Variants in LTBP1 observed in about 807,000 individuals in gnomAD.
LTBP1 encodes the protein latent transforming growth factor beta binding protein 1.
A neutral mutation model predicts 207.6 loss-of-function variants in LTBP1; 129 were observed. That is an observed-to-expected ratio of 0.62 (90% CI 0.54 to 0.72). The LOEUF (loss-of-function observed/expected upper bound fraction) is 0.72, where lower values mean the gene tolerates loss of function less well. Ranked by LOEUF, LTBP1 falls within the 30% of genes least tolerant of loss-of-function variation. The pLI is 0.00. For missense variants in LTBP1, 2,281 were observed against 2,217.2 expected, an observed-to-expected ratio of 1.03 and a Z score of -0.58; for synonymous variants, 963 against 833.7, an observed-to-expected ratio of 1.16 and a Z score of -2.67.
chr2:33,336,784 G>A (rs990991950), intron 24 of LTBP1, among the ~76,000 whole-genome samples: 6 of 152,242 alleles, frequency 3.9e-5, no homozygotes, highest in African/African-American at 1.4e-4. Flanking sequence ...AAGAAACTAA[G>A]AAGAAGCACT....
At chr2:33,027,989 T>A (rs2075509578) in intron 3 of LTBP1, among the ~76,000 whole-genome samples, 1 of 152,248 alleles carries the variant, frequency 6.6e-6, no homozygotes, top group African/African-American at 2.4e-5. Flanking sequence ...CAGACCTATT[T>A]TGTTGTTTGA....
At chr2:33,171,396 G>C (rs1448694554) in intron 5 of LTBP1, among the ~76,000 whole-genome samples, 1 of 147,868 alleles carries the variant, frequency 6.8e-6, no homozygotes, top group African/African-American at 2.5e-5. Context: ...TCAACTGGAA[G>C]AAAGGGTATC....
chr2:33,044,162 A>G (rs953556917), intron 3 of LTBP1, among the ~76,000 whole-genome samples: 1 of 151,998 alleles, frequency 6.6e-6, no homozygotes, highest in Non-Finnish European at 1.5e-5. Flanking sequence ...GTTCTGGGAT[A>G]CATGTGCAGA....
At chr2:33,336,873 A>G (rs2094559461) in intron 24 of LTBP1, among the ~76,000 whole-genome samples, 2 of 152,250 alleles carry the variant, frequency 1.3e-5, no homozygotes, top group African/African-American at 4.8e-5. Context: ...TGAAATAGAC[A>G]CAAATACCCC....
chr2:33,263,459 G>A lies in LTBP1; in HGVS notation c.2617+67G>A. The stretch of plus-strand genomic sequence containing the variant: ...CGTGGGGCTGAGCTTCATTTTAAAT[G>A]TAGTATCCATTATATAAGCTTGCTC... On this transcript the variant is annotated intron_variant, in intron 15 of 33. Transcript: ENST00000404816. 4.3e-6 allele frequency: 5 copies of A among 1,160,936 alleles called. No individual in the cohort carries two copies. The South Asian group carries it at 5.0e-5, about 12-fold the overall frequency. The allele number at this position is 1,160,936 out of a possible 1,614,324, so 71.9% of individuals were successfully genotyped here. A position where few individuals can be genotyped will look rare whatever the true frequency, so the allele number is the denominator to read the frequency against.
At chr2:33,126,505 C>T (rs1292747309) in intron 4 of LTBP1, among the ~76,000 whole-genome samples, 1 of 152,188 alleles carries the variant, frequency 6.6e-6, no homozygotes, top group Non-Finnish European at 1.5e-5. Flanking sequence ...ACAGAAGGGG[C>T]ACTCTTTTGA....
intron 22 of LTBP1, among the ~76,000 whole-genome samples, chr2:33,303,836 G>A (rs989502890): frequency 5.9e-5 from 9 of 152,108 alleles, no homozygotes; most frequent in African/African-American, 1.7e-4. Context: ...AACAGGCCAC[G>A]GACCCGTACC....
At chr2:33,022,265 C>CTTTTTTTT (rs3047211) in intron 3 of LTBP1, among the ~76,000 whole-genome samples, 3 of 125,220 alleles carry the variant, frequency 2.4e-5, no homozygotes, top group East Asian at 2.4e-4. Flanking sequence ...CCTCAATCCT[C>CTTTTTTTT]TTTTTTTTTT....
At chr2:33,073,211 G>T (rs2077891461) in intron 3 of LTBP1, among the ~76,000 whole-genome samples, 1 of 152,160 alleles carries the variant, frequency 6.6e-6, no homozygotes, top group Admixed American at 6.5e-5. Flanking sequence ...TTTTTACCAT[G>T]AAGGAAGTTT....
At chr2:33,313,624 C>A (rs558083828) in intron 23 of LTBP1, among the ~76,000 whole-genome samples, 1 of 152,266 alleles carries the variant, frequency 6.6e-6, no homozygotes, top group African/African-American at 2.4e-5. Context: ...GGAAAACGAC[C>A]TTAGTGGAGG....
At chr2:32,964,070 T>C (rs568206923) in intron 2 of LTBP1, among the ~76,000 whole-genome samples, 14 of 152,354 alleles carry the variant, frequency 9.2e-5, no homozygotes, top group African/African-American at 3.1e-4. Flanking sequence ...GCAGGGATTG[T>C]GCTTCCTCGC....
chr2:33,262,656 C>G, intron 13 of LTBP1, 66 bp from the exon 14 acceptor site: 2 of 746,158 alleles, frequency 2.7e-6, no homozygotes, highest in Non-Finnish European at 4.2e-6. Flanking sequence ...ATGTGGGAAA[C>G]TAAAAATAAT....
chr2:33,059,644 G>T (rs2077171279), intron 3 of LTBP1, among the ~76,000 whole-genome samples: 1 of 152,176 alleles, frequency 6.6e-6, no homozygotes, highest in Admixed American at 6.5e-5. Flanking sequence ...AATACAGGGG[G>T]TCAGATTCAG....
chr2:33,306,736 G>T (rs1451826825), intron 22 of LTBP1, among the ~76,000 whole-genome samples: 1 of 152,002 alleles, frequency 6.6e-6, no homozygotes, highest in African/African-American at 2.4e-5. Flanking sequence ...GATCAAATAT[G>T]CTTCTCCTCG....
chr2:33,058,755 A>G (rs2077129030), intron 3 of LTBP1, among the ~76,000 whole-genome samples: 1 of 152,238 alleles, frequency 6.6e-6, no homozygotes, highest in Admixed American at 6.5e-5. Context: ...GTTTGATTCC[A>G]GAAATTCTGT....
intron 9 of LTBP1, among the ~76,000 whole-genome samples, chr2:33,233,942 A>T (rs1445750455): frequency 2.6e-5 from 4 of 151,860 alleles, no homozygotes; most frequent in Admixed American, 1.3e-4. Flanking sequence ...ACCTTGTGAG[A>T]TAAGTAGTGG....
chr2:33,114,771 A>G (rs977138268), intron 4 of LTBP1, among the ~76,000 whole-genome samples: 6 of 152,136 alleles, frequency 3.9e-5, no homozygotes, highest in Non-Finnish European at 7.4e-5. Context: ...TGGTGGAAAT[A>G]TTTTTATGGG....
intron 31 of LTBP1, 105 bp downstream of exon 31, chr2:33,365,608 G>C (rs918945364): frequency 6.5e-6 from 7 of 1,085,074 alleles, no homozygotes; most frequent in Non-Finnish European, 9.2e-6. Context: ...CTTCACTCCT[G>C]ATATCTTACT....
chr2:33,114,903 A>G (rs568242504), intron 4 of LTBP1, among the ~76,000 whole-genome samples: 14 of 152,230 alleles, frequency 9.2e-5, no homozygotes, highest in African/African-American at 3.4e-4. Flanking sequence ...CTATATATCC[A>G]AAAGAATTGA....
Sources: gnomAD v4.1 joint callset for allele counts (sites outside exome capture counted in the v4.1 genomes callset) on GRCh38, gnomAD v4.1.1 for gene constraint, MANE v1.5 for transcripts, NCBI Gene and HGNC (gene_info 2026-07-23, HGNC 2026-07-21) for gene names.